Variants in CNTNAP5 observed in about 807,000 individuals in gnomAD.
CNTNAP5 encodes contactin associated protein family member 5.
In CNTNAP5, 72 loss-of-function variants were observed where a neutral mutation model predicts 150.2. The observed-to-expected ratio is 0.48, with a 90% CI of 0.40 to 0.58. The LOEUF (loss-of-function observed/expected upper bound fraction) is 0.58. Ranked by LOEUF, CNTNAP5 falls within the 20% of genes least tolerant of loss-of-function variation. The pLI is 0.00. For missense variants in CNTNAP5, 1,636 were observed against 1,626.2 expected (o/e 1.01, Z -0.10); for synonymous variants, 672 against 619.8 (o/e 1.08, Z -1.25).
chr2:124,220,499 T>A (rs771228362), intron 1 of CNTNAP5, among the ~76,000 whole-genome samples: 8 of 152,128 alleles, frequency 5.3e-5, no homozygotes, highest in Non-Finnish European at 1.0e-4. Flanking sequence ...TGTCACCCAA[T>A]GGAAAATACA....
intron 14 of CNTNAP5, among the ~76,000 whole-genome samples, chr2:124,760,615 T>C (rs2105161092): frequency 6.6e-6 from 1 of 152,294 alleles, no homozygotes; most frequent in East Asian, 1.9e-4. Context: ...TTTTTGGTCA[T>C]ACTAAAGTAT....
At chr2:124,565,614 T>C (rs1696004559) in intron 11 of CNTNAP5, among the ~76,000 whole-genome samples, 1 of 78,986 alleles carries the variant, frequency 1.3e-5, no homozygotes, top group Non-Finnish European at 2.6e-5. Flanking sequence ...TTTTTTTTTT[T>C]TTTGAGATGG....
chr2:124,877,081 AT>A (rs1677874977), intron 21 of CNTNAP5, among the ~76,000 whole-genome samples: 1 of 152,076 alleles, frequency 6.6e-6, no homozygotes, highest in Non-Finnish European at 1.5e-5. Context: ...CCACAGAGAA[AT>A]TCAGTAGATG....
intron 10 of CNTNAP5, among the ~76,000 whole-genome samples, chr2:124,550,449 A>G (rs916620731): frequency 6.6e-6 from 1 of 152,198 alleles, no homozygotes; most frequent in East Asian, 1.9e-4. Flanking sequence ...ATTTCTATTC[A>G]TAGTGGAATC....
chr2:124,473,535 A>G (rs181066490), intron 6 of CNTNAP5, among the ~76,000 whole-genome samples: 3 of 152,190 alleles, frequency 2.0e-5, no homozygotes, highest in Admixed American at 2.0e-4. Context: ...AAAAAAATCT[A>G]AAAATAGCCT....
At chr2:124,761,644 C>T (rs1197805674) in intron 14 of CNTNAP5, among the ~76,000 whole-genome samples, 1 of 152,064 alleles carries the variant, frequency 6.6e-6, no homozygotes, top group African/African-American at 2.4e-5. Flanking sequence ...TTATTACTAA[C>T]ACAAAGCTGG....
chr2:124,478,368 G>GA (rs984450582), intron 7 of CNTNAP5, among the ~76,000 whole-genome samples: 30 of 152,048 alleles, frequency 2.0e-4, no homozygotes, highest in African/African-American at 5.8e-4. Context: ...AACGTATTTG[G>GA]AAAAAAATCC....
intron 2 of CNTNAP5, among the ~76,000 whole-genome samples, chr2:124,226,964 G>T (rs1686474697): frequency 1.3e-5 from 2 of 151,984 alleles, no homozygotes; most frequent in South Asian, 4.1e-4. Context: ...TTAGTAAATG[G>T]ATTAATCTAT....
intron 7 of CNTNAP5, among the ~76,000 whole-genome samples, chr2:124,480,265 A>C (rs1004414830): frequency 7.2e-5 from 11 of 152,158 alleles, no homozygotes; most frequent in Non-Finnish European, 7.3e-5. Context: ...CAAATGGTAG[A>C]CTCCTTTAAA....
chr2:124,392,687 C>CAAAAAAA (rs35107442), intron 3 of CNTNAP5, among the ~76,000 whole-genome samples: 3 of 68,788 alleles, frequency 4.4e-5, no homozygotes, highest in East Asian at 5.3e-4. Context: ...TTTTCTTTGC[C>CAAAAAAA]AAAAAAAAAA....
At chr2:124,519,317 CT>C (rs113056819) in intron 8 of CNTNAP5, among the ~76,000 whole-genome samples, 6,050 of 152,204 alleles carry the variant, frequency 0.04, 143 homozygotes, top group Non-Finnish European at 0.047. Context: ...GGGTTTCACA[CT>C]TTAGATGACA....
chr2:124,585,888 C>T (rs1696525627), intron 11 of CNTNAP5, among the ~76,000 whole-genome samples: 1 of 152,100 alleles, frequency 6.6e-6, no homozygotes, highest in South Asian at 2.1e-4. Context: ...ACACTTCTCT[C>T]TTTTTTACTG....
chr2:124,055,776 C>T (rs1246253974), intron 1 of CNTNAP5, among the ~76,000 whole-genome samples: 2 of 152,178 alleles, frequency 1.3e-5, no homozygotes, highest in Non-Finnish European at 2.9e-5. Context: ...TTTTTAGCAC[C>T]AGACTCCATT....
intron 19 of CNTNAP5, among the ~76,000 whole-genome samples, chr2:124,809,477 G>T (rs576985203): frequency 7.3e-5 from 11 of 151,518 alleles, no homozygotes; most frequent in African/African-American, 2.7e-4. Flanking sequence ...CATGATCATA[G>T]CTCACTGCAG....
intron 10 of CNTNAP5, among the ~76,000 whole-genome samples, chr2:124,531,432 C>T (rs550860912): frequency 1.7e-4 from 26 of 152,246 alleles, no homozygotes; most frequent in Non-Finnish European, 2.9e-4. Context: ...TAAGCTATCA[C>T]AAAGAAAAGT....
chr2:124,198,913 G>GA (rs1367691362), intron 1 of CNTNAP5, among the ~76,000 whole-genome samples: 1 of 149,088 alleles, frequency 6.7e-6, no homozygotes. Context: ...TTTCTTACTG[G>GA]AAAAAACCTT....
chr2:124,133,944 G>A (rs1208533054), intron 1 of CNTNAP5, among the ~76,000 whole-genome samples: 2 of 152,232 alleles, frequency 1.3e-5, no homozygotes, highest in African/African-American at 4.8e-5. Context: ...AGGGCAGTGT[G>A]TCTACCACTT....
chr2:124,291,007 A>G (rs1688275692), intron 3 of CNTNAP5, among the ~76,000 whole-genome samples: 1 of 152,088 alleles, frequency 6.6e-6, no homozygotes, highest in African/African-American at 2.4e-5. Context: ...AGTGACAGTC[A>G]CAGAGTGAGA....
intron 1 of CNTNAP5, among the ~76,000 whole-genome samples, chr2:124,159,931 A>T (rs1184030338): frequency 1.3e-5 from 2 of 152,234 alleles, no homozygotes; most frequent in Admixed American, 6.5e-5. Flanking sequence ...ACTACTTATT[A>T]AGAGTCTTCC....
Sources: allele counts gnomAD v4.1 joint callset (sites outside exome capture counted in the v4.1 genomes callset), GRCh38; gene constraint gnomAD v4.1.1; transcripts MANE v1.5; gene names NCBI Gene and HGNC (gene_info 2026-07-23, HGNC 2026-07-21).